The following DOP1B variants were observed in gnomAD, a reference collection of about 807,000 sequenced individuals.
DOP1B encodes the protein DOP1 leucine zipper like protein B.
Under a neutral mutation model 233.5 loss-of-function variants are expected in DOP1B, and 174 were observed. The observed-to-expected ratio is 0.75, with a 90% CI of 0.66 to 0.85. The LOEUF (loss-of-function observed/expected upper bound fraction) is 0.85. DOP1B is among the 40% of genes least tolerant of loss of function. DOP1B has a pLI of 0.00. For synonymous variants in DOP1B, 1,190 were observed against 1,185.6 expected (o/e 1.00, Z -0.08); for missense variants, 2,652 against 2,846.6 (o/e 0.93, Z 1.56).
At chr21:36,248,937 T>C (rs61001121) in intron 21 of DOP1B, among the ~76,000 whole-genome samples, 15,048 of 151,254 alleles carry the variant, frequency 0.099, 1,075 homozygotes, top group East Asian at 0.32. Context: ...AAACCCCATC[T>C]CTACTAAAAA....
chr21:36,176,360 T>C (rs2066030433), intron 2 of DOP1B, among the ~76,000 whole-genome samples: 1 of 152,082 alleles, frequency 6.6e-6, no homozygotes, highest in Non-Finnish European at 1.5e-5. Flanking sequence ...CCCTGCATGC[T>C]CAGTGCCTAG....
chr21:36,279,094 C>T (rs2067386152), intron 30 of DOP1B, among the ~76,000 whole-genome samples: 2 of 151,830 alleles, frequency 1.3e-5, no homozygotes, highest in African/African-American at 2.4e-5. Flanking sequence ...AAGATGTGCT[C>T]CTGGGCCTTT....
chr21:36,290,985 C>T (rs144516252), intron 35 of DOP1B, among the ~76,000 whole-genome samples: 7 of 150,788 alleles, frequency 4.6e-5, no homozygotes, highest in African/African-American at 7.3e-5. Flanking sequence ...AAAAAGAGGC[C>T]GGGCACAGTG....
At chr21:36,292,563 C>G (rs1033164616) in intron 36 of DOP1B, among the ~76,000 whole-genome samples, 1 of 151,504 alleles carries the variant, frequency 6.6e-6, no homozygotes, top group Admixed American at 6.6e-5. Flanking sequence ...GCTGGAACTA[C>G]AGGCGCACGC....
intron 33 of DOP1B, 64 bp from the exon 34 acceptor site, chr21:36,288,692 A>T (rs1248361249): frequency 7.9e-7 from 1 of 1,262,010 alleles, no homozygotes; most frequent in Non-Finnish European, 1.1e-6. Flanking sequence ...AAAATAAGTA[A>T]AAAAAAATAT....
chr21:36,227,417 G>A (rs781734236), intron 12 of DOP1B, among the ~76,000 whole-genome samples: 5 of 150,818 alleles, frequency 3.3e-5, no homozygotes, highest in South Asian at 2.1e-4. Context: ...CGTGGTGGTG[G>A]GCACCTGTAG....
At chr21:36,172,419 A>G (rs988134589) in intron 2 of DOP1B, among the ~76,000 whole-genome samples, 1 of 152,180 alleles carries the variant, frequency 6.6e-6, no homozygotes, top group East Asian at 1.9e-4. Flanking sequence ...GTTCTGTGAA[A>G]CTTGCAACTT....
intron 32 of DOP1B, 83 bp downstream of exon 32, chr21:36,281,694 G>C (rs942427646): frequency 2.3e-6 from 3 of 1,296,598 alleles, no homozygotes. Context: ...GAAATTTATT[G>C]CCTCACAGTT....
rs200255806 is a variant in DOP1B, at chr21:36,246,010, G to A, written c.4030G>A (p.Val1344Met). ...CCGAGACATTCTCGGCAACCGGGAC[G>A]TGCAGGTCAAAAGTGTCGAGGTTTT... ...SHRDILGNRDVQVKSVEVLIR... is the reference protein window; with the variant it reads ...SHRDILGNRDMQVKSVEVLIR... Residue 1344 changes from valine (V) to methionine (M), a missense_variant, in exon 19 of 37, where the codon GTG becomes ATG. Val to Met is a conservative substitution (Grantham distance 21). Coordinates refer to ENST00000691173, the MANE Select transcript of DOP1B (RefSeq NM_001320714.2). The surrounding 1 kb of genome is among the most constrained non-coding windows in gnomAD (Gnocchi z 5.1). 1.0e-4 allele frequency: 165 copies of A among 1,614,046 alleles called. 3 individuals carry two copies. In the South Asian group the frequency reaches 1.3e-3, roughly 12 times the overall value.
intron 1 of DOP1B, among the ~76,000 whole-genome samples, chr21:36,157,974 ATTATTTTG>A (rs2065834753): frequency 6.6e-6 from 1 of 151,710 alleles, no homozygotes; most frequent in African/African-American, 2.4e-5. Flanking sequence ...TATTATTATT[ATTATTTTG>A]AGACGAAGGT....
chr21:36,230,288 T>G (rs2066744516), intron 13 of DOP1B, among the ~76,000 whole-genome samples, 162 bp from the exon 14 acceptor site: 2 of 152,228 alleles, frequency 1.3e-5, no homozygotes, highest in South Asian at 4.1e-4. Context: ...TCTCCTGCTT[T>G]GGGTGCCTCC....
chr21:36,167,940 C>CTTTTTTTTTTTTTTTT (rs869190433), intron 2 of DOP1B, among the ~76,000 whole-genome samples: 27 of 40,024 alleles, frequency 6.7e-4, no homozygotes, highest in Non-Finnish European at 1.1e-3. Flanking sequence ...TTTTCTTTTT[C>CTTTTTTTTTTTTTTTT]TTTTTTTTTT....
intron 2 of DOP1B, among the ~76,000 whole-genome samples, chr21:36,179,467 T>C (rs532999315): frequency 1.3e-5 from 2 of 152,348 alleles, no homozygotes; most frequent in Non-Finnish European, 2.9e-5. Flanking sequence ...CAGTAAGTGG[T>C]CATTGTAACT....
intron 27 of DOP1B, among the ~76,000 whole-genome samples, chr21:36,276,138 C>T (rs761662326): frequency 8.6e-4 from 130 of 151,904 alleles, no homozygotes; most frequent in Non-Finnish European, 1.5e-3. Context: ...CCAAAGGGGT[C>T]GTGCAGTTTC....
intron 15 of DOP1B, among the ~76,000 whole-genome samples, chr21:36,235,116 T>C (rs1473494329): frequency 6.6e-6 from 1 of 152,230 alleles, no homozygotes; most frequent in Non-Finnish European, 1.5e-5. Context: ...GTACAGTTCT[T>C]GAGAGTTGAG....
chr21:36,203,847 C>T (rs910163113), intron 4 of DOP1B, among the ~76,000 whole-genome samples: 6 of 151,222 alleles, frequency 4.0e-5, no homozygotes, highest in African/African-American at 1.5e-4. Flanking sequence ...TTGGGGTCTG[C>T]AGATAACCTA....
At chr21:36,167,929 CTTTTCTTTTTCTTTTTTT>C (rs2065930227) in intron 2 of DOP1B, among the ~76,000 whole-genome samples, 3 of 97,314 alleles carry the variant, frequency 3.1e-5, no homozygotes, top group East Asian at 2.7e-4. Flanking sequence ...CTTTTCTTTT[CTTTTCTTTTTCTTTTTTT>C]TTTTTTTTTT....
intron 27 of DOP1B, among the ~76,000 whole-genome samples, chr21:36,274,053 A>G (rs11700964): frequency 0.41 from 62,893 of 151,910 alleles, 13,115 homozygotes; most frequent in Middle Eastern, 0.51. Flanking sequence ...ACTCCAGCCT[A>G]GGCAACAGAG....
intron 10 of DOP1B, 146 bp downstream of exon 10, chr21:36,219,638 C>A (rs922185641): frequency 1.7e-6 from 2 of 1,161,182 alleles, no homozygotes; most frequent in Non-Finnish European, 2.4e-6. Context: ...ATAATCAATG[C>A]GTTGAAGTCA....
Sources: gnomAD v4.1 joint callset for allele counts (sites outside exome capture counted in the v4.1 genomes callset) on GRCh38, gnomAD v4.1.1 for gene constraint, Gnocchi (gnomAD v3.1) non-coding constraint, MANE v1.5 for transcripts, NCBI Gene and HGNC (gene_info 2026-07-23, HGNC 2026-07-21) for gene names.